Variants in ZFYVE28 observed in about 807,000 individuals in gnomAD.
ZFYVE28 encodes zinc finger FYVE-type containing 28.
A neutral mutation model predicts 82.1 loss-of-function variants in ZFYVE28; 40 were observed. The ratio of observed to expected loss-of-function variants is 0.49; its 90% CI spans 0.38 to 0.63. The LOEUF (loss-of-function observed/expected upper bound fraction) is 0.63. Among genes scored for constraint, ZFYVE28 ranks in the 30% least tolerant of loss-of-function variants. The pLI is 0.00. For missense variants in ZFYVE28, 1,321 were observed against 1,242.1 expected (o/e 1.06, Z -0.96); for synonymous variants, 612 against 546.1 (o/e 1.12, Z -1.68).
intron 1 of ZFYVE28, among the ~76,000 whole-genome samples, chr4:2,361,528 C>T (rs946329905): frequency 2.0e-4 from 30 of 152,194 alleles, no homozygotes; most frequent in Admixed American, 6.5e-4. Flanking sequence ...ACACGCACTA[C>T]CCCACCCACT....
chr4:2,290,885 C>A (rs1304233781), intron 8 of ZFYVE28, among the ~76,000 whole-genome samples: 1 of 152,220 alleles, frequency 6.6e-6, no homozygotes, highest in Non-Finnish European at 1.5e-5. Flanking sequence ...ACAGTGAAGC[C>A]CAGGCCTAGA....
At chr4:2,337,002 GA>G (rs1370982718) in intron 5 of ZFYVE28, among the ~76,000 whole-genome samples, 1 of 134,202 alleles carries the variant, frequency 7.5e-6, no homozygotes, top group East Asian at 2.9e-4. Context: ...AGGAGGTGGG[GA>G]AGTGAGGAGG....
intron 6 of ZFYVE28, chr4:2,328,444 T>G (rs946178569): frequency 6.6e-6 from 1 of 152,142 alleles, no homozygotes; most frequent in Non-Finnish European, 1.5e-5. Flanking sequence ...CTAGAAGAAT[T>G]TTTTTTCTTT....
intron 8 of ZFYVE28, among the ~76,000 whole-genome samples, chr4:2,288,277 CCT>C (rs929957382): frequency 2.0e-5 from 3 of 152,188 alleles, no homozygotes; most frequent in African/African-American, 7.2e-5. Context: ...CCTAAGCCCC[CCT>C]GTGGCCCCAG....
intron 2 of ZFYVE28, among the ~76,000 whole-genome samples, chr4:2,350,380 T>C (rs546838690): frequency 2.4e-4 from 36 of 151,218 alleles, no homozygotes; most frequent in Middle Eastern, 3.4e-3. Flanking sequence ...AGGAGAATGG[T>C]GTGAACCTGG....
At chr4:2,357,557 C>T (rs1725516588) in intron 1 of ZFYVE28, among the ~76,000 whole-genome samples, 2 of 152,200 alleles carry the variant, frequency 1.3e-5, no homozygotes, top group South Asian at 4.1e-4. Context: ...CTGCCCGCTC[C>T]CCTTCAGAGC....
intron 6 of ZFYVE28, among the ~76,000 whole-genome samples, chr4:2,321,936 A>G (rs1719139293): frequency 6.6e-6 from 1 of 152,098 alleles, no homozygotes; most frequent in South Asian, 2.1e-4. Context: ...CTGGCCCAGG[A>G]CCTCAGAAAA....
chr4:2,403,700 C>G (rs1330707457), intron 1 of ZFYVE28, among the ~76,000 whole-genome samples: 1 of 152,194 alleles, frequency 6.6e-6, no homozygotes, highest in Non-Finnish European at 1.5e-5. Context: ...TGCAGTGGCT[C>G]ACGCCTGTAA....
rs1735810168 is a variant in ZFYVE28 at position 2,270,468 on chromosome 4, G to C, written c.*257C>G. ...CCAGGCCTTCTCCGCCAGGCACCCT[G>C]CCCTGAGGCAGCCACCAGGCTCCTC... On this transcript the variant is annotated 3_prime_UTR_variant, in exon 13 of 13. Transcript: ENST00000290974. The C allele has an allele frequency of 1.8e-6, 1 of 541,238 alleles. No homozygotes were observed. Among genetic ancestry groups the C allele is most frequent in the Admixed American group, 3.2e-5 (1 of 31,110 alleles). 33.5% of individuals were successfully genotyped at this position (541,238 alleles called of 1,614,324 possible).
intron 8 of ZFYVE28, among the ~76,000 whole-genome samples, chr4:2,280,113 G>A (rs1711760991): frequency 6.6e-6 from 1 of 152,178 alleles, no homozygotes; most frequent in Non-Finnish European, 1.5e-5. Flanking sequence ...ATCAACAGTG[G>A]GTTGACTCAA....
chr4:2,341,467 C>T lies in ZFYVE28; in HGVS notation c.318+11G>A, dbSNP rs1314088100. 1.9e-6 allele frequency: 3 copies of T among 1,610,464 alleles called. No homozygotes were observed. Among genetic ancestry groups the T allele is most frequent in the South Asian group, 2.2e-5 (2 of 90,960 alleles). On this transcript the variant is annotated intron_variant, in intron 3 of 12. Coordinates refer to ENST00000290974, the MANE Select transcript of ZFYVE28 (RefSeq NM_020972.3). This position sits in a 1 kb window ranked among gnomAD's most constrained non-coding sequence, Gnocchi z 4.5. ...CATCAGGACCTCCGAACCCGGGTGG[C>T]CACCCGCTACCTCGGCACCGAACCA...
intron 1 of ZFYVE28, among the ~76,000 whole-genome samples, chr4:2,375,177 G>A (rs571627983): frequency 4.6e-5 from 7 of 152,306 alleles, no homozygotes; most frequent in East Asian, 1.9e-4. Flanking sequence ...CGGAGCCACC[G>A]TGGCTTTTCC....
chr4:2,346,331 G>C (rs1428236375), intron 2 of ZFYVE28, among the ~76,000 whole-genome samples: 1 of 137,286 alleles, frequency 7.3e-6, no homozygotes, highest in Non-Finnish European at 1.5e-5. Context: ...GACTGAGCGA[G>C]ACTCCATCTC....
chr4:2,404,616 C>T (rs553955306), intron 1 of ZFYVE28, among the ~76,000 whole-genome samples: 45 of 152,268 alleles, frequency 3.0e-4, no homozygotes, highest in East Asian at 9.6e-4. Flanking sequence ...TTATACGAAA[C>T]GTCCAGAACA....
At chr4:2,405,397 G>T (rs1485183948) in intron 1 of ZFYVE28, among the ~76,000 whole-genome samples, 1 of 152,256 alleles carries the variant, frequency 6.6e-6, no homozygotes, top group Non-Finnish European at 1.5e-5. Context: ...AGACCAATGG[G>T]ACTTCCTTGG....
intron 1 of ZFYVE28, among the ~76,000 whole-genome samples, chr4:2,380,634 C>A (rs1728632371): frequency 6.6e-6 from 1 of 152,174 alleles, no homozygotes; most frequent in South Asian, 2.1e-4. Flanking sequence ...TCTCGTAATT[C>A]CCACGTGTTG....
At chr4:2,393,703 C>T (rs1048415912) in intron 1 of ZFYVE28, among the ~76,000 whole-genome samples, 3 of 152,222 alleles carry the variant, frequency 2.0e-5, no homozygotes, top group Non-Finnish European at 4.4e-5. Flanking sequence ...CTGAGACTCC[C>T]GCCGGCCCCT....
At chr4:2,292,402 G>A (rs1352948310) in intron 8 of ZFYVE28, among the ~76,000 whole-genome samples, 1 of 152,198 alleles carries the variant, frequency 6.6e-6, no homozygotes, top group Admixed American at 6.5e-5. Flanking sequence ...GGCAGACAGG[G>A]ACAGGAATAG....
intron 1 of ZFYVE28, among the ~76,000 whole-genome samples, chr4:2,386,029 CTT>C (rs1729222142): frequency 6.6e-6 from 1 of 152,224 alleles, no homozygotes; most frequent in Non-Finnish European, 1.5e-5. Context: ...CCAAATGTCT[CTT>C]TTCTGTTCCC....
Sources: allele counts gnomAD v4.1 joint callset (sites outside exome capture counted in the v4.1 genomes callset), GRCh38; gene constraint gnomAD v4.1.1; non-coding constraint Gnocchi (gnomAD v3.1); transcripts MANE v1.5; gene names NCBI Gene and HGNC (gene_info 2026-07-23, HGNC 2026-07-21).